SCHIP1: variants seen among roughly 807,000 people sequenced by gnomAD.
SCHIP1 encodes schwannomin interacting protein 1, also known as schwannomin-interacting protein 1.
SCHIP1 carries 8 observed loss-of-function variants against 29.7 expected under a neutral mutation model. The observed-to-expected ratio is 0.27, with a 90% CI of 0.16 to 0.49. The LOEUF (loss-of-function observed/expected upper bound fraction) is 0.49. SCHIP1 is among the 20% of genes least tolerant of loss of function. The probability of loss-of-function intolerance (pLI) is 0.99; values close to 1 mark genes in which losing one functional copy is unlikely to be tolerated. For synonymous variants in SCHIP1, 76 were observed against 94.9 expected (o/e 0.80, Z 1.16); for missense variants, 193 against 294.6 (o/e 0.66, Z 2.52).
At chr3:159,724,711 C>A in the SCHIP1 span, among the ~76,000 whole-genome samples, 9 of 152,088 alleles carry the variant, frequency 5.9e-5, no homozygotes, top group Non-Finnish European at 2.9e-5. Flanking sequence ...TGACTCGAAT[C>A]CCTGGGTAAA....
the SCHIP1 span, among the ~76,000 whole-genome samples, chr3:159,740,047 G>A: frequency 6.6e-6 from 1 of 152,198 alleles, no homozygotes; most frequent in Admixed American, 6.5e-5. Flanking sequence ...AATTCTTACT[G>A]TTGTCATCTC....
chr3:159,701,155 C>T, the SCHIP1 span, among the ~76,000 whole-genome samples: 3 of 152,324 alleles, frequency 2.0e-5, no homozygotes, highest in African/African-American at 7.2e-5. Flanking sequence ...TCATCTCTAT[C>T]TACAGAAGGA....
At chr3:159,274,688 A>G in the SCHIP1 span, 2 of 821,136 alleles carry the variant, frequency 2.4e-6, no homozygotes, top group South Asian at 5.6e-5. Flanking sequence ...GAATGACCCC[A>G]ACAGATATTT....
chr3:159,359,507 G>A, the SCHIP1 span, among the ~76,000 whole-genome samples: 3 of 152,202 alleles, frequency 2.0e-5, no homozygotes, highest in Admixed American at 6.5e-5. Flanking sequence ...ATTAAAAGAT[G>A]TCACACAGAT....
the SCHIP1 span, among the ~76,000 whole-genome samples, chr3:159,356,114 C>A: frequency 1.3e-5 from 2 of 151,750 alleles, no homozygotes; most frequent in East Asian, 3.9e-4. Flanking sequence ...TGCTAGATGA[C>A]GAGTTAGTGG....
At chr3:159,300,290 T>C in the SCHIP1 span, among the ~76,000 whole-genome samples, 2 of 151,762 alleles carry the variant, frequency 1.3e-5, no homozygotes, top group Non-Finnish European at 2.9e-5. Flanking sequence ...CACACCCAGC[T>C]AGTTTTTAAA....
chr3:159,767,736 C>G, the SCHIP1 span, among the ~76,000 whole-genome samples: 1 of 152,154 alleles, frequency 6.6e-6, no homozygotes, highest in African/African-American at 2.4e-5. Context: ...GTTCAACTCT[C>G]ACCAGCTCAG....
At chr3:159,484,845 C>T in the SCHIP1 span, among the ~76,000 whole-genome samples, 103,556 of 152,028 alleles carry the variant, frequency 0.68, 35,923 homozygotes, top group African/African-American at 0.81. Flanking sequence ...GTGACTCTTT[C>T]GGTTCCTACA....
At chr3:159,296,653 G>C in the SCHIP1 span, among the ~76,000 whole-genome samples, 1 of 152,054 alleles carries the variant, frequency 6.6e-6, no homozygotes, top group African/African-American at 2.4e-5. Flanking sequence ...GGGGATACCT[G>C]TAATCCCAGC....
the SCHIP1 span, chr3:159,764,906 G>A: frequency 2.6e-6 from 4 of 1,542,850 alleles, no homozygotes; most frequent in South Asian, 2.4e-5. The surrounding 1 kb of genome is among the most constrained non-coding windows in gnomAD (Gnocchi z 6.1). Flanking sequence ...AGCTGTTCCC[G>A]GGGCCCCCGC....
At chr3:159,412,190 A>G in the SCHIP1 span, among the ~76,000 whole-genome samples, 113 of 152,310 alleles carry the variant, frequency 7.4e-4, no homozygotes, top group Admixed American at 3.3e-3. Context: ...GCCAATAACT[A>G]GTGAAACAAG....
the SCHIP1 span, among the ~76,000 whole-genome samples, chr3:159,392,986 CTT>C: frequency 6.6e-6 from 1 of 152,114 alleles, no homozygotes; most frequent in Non-Finnish European, 1.5e-5. Context: ...TGTTTCCTGA[CTT>C]TTTAATGATT....
chr3:159,326,759 A>C, the SCHIP1 span, among the ~76,000 whole-genome samples: 1 of 152,180 alleles, frequency 6.6e-6, no homozygotes, highest in Non-Finnish European at 1.5e-5. Context: ...GATGTGCCCC[A>C]AACTAATATT....
upstream of SCHIP1, among the ~76,000 whole-genome samples, chr3:159,835,725 C>CT (rs1190579577): frequency 6.6e-6 from 1 of 152,114 alleles, no homozygotes; most frequent in East Asian, 1.9e-4. Context: ...AACACTTAAT[C>CT]AACTCACACA....
chr3:159,746,346 C>A, the SCHIP1 span, among the ~76,000 whole-genome samples: 7 of 152,136 alleles, frequency 4.6e-5, no homozygotes, highest in Non-Finnish European at 1.0e-4. Flanking sequence ...AACTCTAGTT[C>A]TCACGTGGGA....
At chr3:159,834,089 G>A in the SCHIP1 span, among the ~76,000 whole-genome samples, 807 of 152,150 alleles carry the variant, frequency 5.3e-3, 14 homozygotes, top group East Asian at 0.055. Context: ...TCCTGAGTAC[G>A]TAAGAGCTGT....
At chr3:159,306,158 T>C in the SCHIP1 span, among the ~76,000 whole-genome samples, 97,663 of 97,802 alleles carry the variant, frequency 1, 48,763 homozygotes, top group Middle Eastern at 1. Flanking sequence ...GTAACTTTTT[T>C]CACAGGAAGG....
the SCHIP1 span, among the ~76,000 whole-genome samples, chr3:159,393,645 A>G: frequency 1.3e-5 from 2 of 149,426 alleles, no homozygotes; most frequent in Non-Finnish European, 3.0e-5. Flanking sequence ...GTTATTTCTG[A>G]GGGCTCTGTT....
At chr3:159,552,434 AAATG>A in the SCHIP1 span, among the ~76,000 whole-genome samples, 1 of 152,144 alleles carries the variant, frequency 6.6e-6, no homozygotes, top group African/African-American at 2.4e-5. Context: ...TACTCTCTGG[AAATG>A]AATGAATCGA....
Sources: gnomAD v4.1 joint callset for allele counts (sites outside exome capture counted in the v4.1 genomes callset) on GRCh38, gnomAD v4.1.1 for gene constraint, Gnocchi (gnomAD v3.1) non-coding constraint, MANE v1.5 for transcripts, NCBI Gene and HGNC (gene_info 2026-07-23, HGNC 2026-07-21) for gene names.